CDH8: variants seen among roughly 807,000 people sequenced by gnomAD.
The protein encoded by CDH8 is cadherin-8.
A neutral mutation model predicts 68.1 loss-of-function variants in CDH8; 17 were observed. The observed-to-expected ratio is 0.25, with a 90% CI of 0.17 to 0.37. CDH8 has a LOEUF of 0.37. CDH8 is among the 10% of genes least tolerant of loss of function. The pLI, the probability that CDH8 is intolerant of heterozygous loss-of-function variation, is 1.00. For missense variants in CDH8, 763 were observed against 999.3 expected (o/e 0.76, Z 3.19); for synonymous variants, 372 against 365.1 (o/e 1.02, Z -0.21).
At chr16:61,676,325 C>G (rs1335490192) in intron 10 of CDH8, among the ~76,000 whole-genome samples, 1 of 151,484 alleles carries the variant, frequency 6.6e-6, no homozygotes, top group Non-Finnish European at 1.5e-5. Context: ...ATATTAATAT[C>G]AAATGAAATA....
At position 61,804,226 on chromosome 16, in the gene CDH8, C is replaced by T. The variant is rs970391559; in HGVS notation, c.1277+13253G>A. ...CCTGCTCCTGAATGACTACTGGGTA[C>T]GTAACGAAATGAAGGCAGAAATAAA... On this transcript the variant is annotated intron_variant, in intron 7 of 11. Coordinates refer to ENST00000577390, the MANE Select transcript of CDH8 (RefSeq NM_001796.5). Among the ~76,000 whole-genome samples, 15 of 151,206 alleles carry T rather than the reference C, an allele frequency of 9.9e-5. No homozygotes were observed. The East Asian group carries it at 1.6e-3, about 16-fold the overall frequency.
intron 4 of CDH8, among the ~76,000 whole-genome samples, chr16:61,842,953 A>C (rs753316043): frequency 1.3e-5 from 2 of 152,168 alleles, no homozygotes; most frequent in Non-Finnish European, 2.9e-5. Context: ...AGCACAGTGG[A>C]AAACAGCCCT....
At chr16:61,820,803 T>A (rs1051010674) in intron 6 of CDH8, 123 bp downstream of exon 6, 2 of 719,876 alleles carry the variant, frequency 2.8e-6, no homozygotes, top group African/African-American at 1.8e-5. Flanking sequence ...CTTGTCTTAC[T>A]GCTCAAAGCT....
intron 8 of CDH8, among the ~76,000 whole-genome samples, chr16:61,735,620 G>A (rs994655892): frequency 1.3e-5 from 2 of 151,996 alleles, no homozygotes; most frequent in Non-Finnish European, 2.9e-5. Context: ...TCACATTATA[G>A]TGGTTTATCT....
chr16:62,024,304 C>T (rs1902143852), intron 1 of CDH8, among the ~76,000 whole-genome samples: 1 of 152,148 alleles, frequency 6.6e-6, no homozygotes, highest in Non-Finnish European at 1.5e-5. Context: ...TAACACTGAT[C>T]TGACAGGTTG....
At chr16:61,863,265 G>A (rs1963187374) in intron 3 of CDH8, among the ~76,000 whole-genome samples, 2 of 152,078 alleles carry the variant, frequency 1.3e-5, no homozygotes, top group Non-Finnish European at 2.9e-5. Context: ...ACAGTATCAT[G>A]TGCCTCTTGC....
At chr16:61,734,347 A>C (rs1168974236) in intron 8 of CDH8, among the ~76,000 whole-genome samples, 2 of 152,114 alleles carry the variant, frequency 1.3e-5, no homozygotes, top group Non-Finnish European at 2.9e-5. Context: ...GCTGGGGGGA[A>C]AATGATTTCC....
intron 2 of CDH8, among the ~76,000 whole-genome samples, chr16:61,928,498 C>G (rs1357746397): frequency 6.6e-6 from 1 of 152,160 alleles, no homozygotes; most frequent in Non-Finnish European, 1.5e-5. Flanking sequence ...CACTATACCT[C>G]CTCAGTTGCT....
chr16:61,856,931 T>G (rs1963057693), intron 4 of CDH8, among the ~76,000 whole-genome samples, 188 bp downstream of exon 4: 1 of 152,194 alleles, frequency 6.6e-6, no homozygotes, highest in African/African-American at 2.4e-5. Flanking sequence ...ACAAATGCTC[T>G]GTGATTTGTC....
intron 4 of CDH8, among the ~76,000 whole-genome samples, chr16:61,833,353 A>G (rs1962503072): frequency 6.6e-6 from 1 of 151,774 alleles, no homozygotes; most frequent in Non-Finnish European, 1.5e-5. Context: ...ATTCACACAT[A>G]TGTAAATATA....
chr16:61,899,831 G>GACACACACACACAC (rs35171683), intron 3 of CDH8, among the ~76,000 whole-genome samples: 2,887 of 147,290 alleles, frequency 0.02, 51 homozygotes, highest in African/African-American at 0.032. Flanking sequence ...ATGTTATAAA[G>GACACACACACACAC]ACACACACAC....
chr16:61,792,690 A>T (rs1193095706), intron 7 of CDH8, among the ~76,000 whole-genome samples: 1 of 152,036 alleles, frequency 6.6e-6, no homozygotes, highest in Non-Finnish European at 1.5e-5. Flanking sequence ...GTCATTGTGA[A>T]GTTCATGCAT....
At chr16:61,893,595 A>G (rs1963817322) in intron 3 of CDH8, among the ~76,000 whole-genome samples, 2 of 152,110 alleles carry the variant, frequency 1.3e-5, no homozygotes, top group South Asian at 4.2e-4. Flanking sequence ...GTGTGTGTGT[A>G]AATGGCTAAT....
intron 7 of CDH8, among the ~76,000 whole-genome samples, chr16:61,801,801 G>A (rs1345166848): frequency 6.6e-6 from 1 of 152,226 alleles, no homozygotes; most frequent in African/African-American, 2.4e-5. Flanking sequence ...CCCACACCTG[G>A]CTCGGAGGGC....
intron 2 of CDH8, among the ~76,000 whole-genome samples, chr16:62,006,931 C>T (rs1192235790): frequency 2.0e-5 from 3 of 148,542 alleles, no homozygotes; most frequent in African/African-American, 5.0e-5. Flanking sequence ...TTTTTGAGAC[C>T]GAGTCTCACT....
chr16:62,020,744 A>T (rs1302707476), intron 2 of CDH8, among the ~76,000 whole-genome samples: 5 of 152,226 alleles, frequency 3.3e-5, no homozygotes, highest in Non-Finnish European at 7.3e-5. Context: ...ATAGCCTTAA[A>T]ATAAAATAAA....
chr16:61,982,402 G>A (rs1005869055), intron 2 of CDH8, among the ~76,000 whole-genome samples: 1 of 151,952 alleles, frequency 6.6e-6, no homozygotes, highest in Admixed American at 6.6e-5. Flanking sequence ...TGTATTTTTA[G>A]TAGAGATGGG....
At chr16:61,891,901 C>T (rs1341979432) in intron 3 of CDH8, among the ~76,000 whole-genome samples, 1 of 152,124 alleles carries the variant, frequency 6.6e-6, no homozygotes, top group African/African-American at 2.4e-5. Flanking sequence ...TAGAGAAGTG[C>T]TGCCAAATTC....
At chr16:61,851,417 A>G (rs1024511377) in intron 4 of CDH8, among the ~76,000 whole-genome samples, 2 of 152,070 alleles carry the variant, frequency 1.3e-5, no homozygotes, top group African/African-American at 4.8e-5. Context: ...ACTTGCCTGG[A>G]GCAAAGTTTA....
Sources: gnomAD v4.1 joint callset for allele counts (sites outside exome capture counted in the v4.1 genomes callset) on GRCh38, gnomAD v4.1.1 for gene constraint, MANE v1.5 for transcripts, NCBI Gene and HGNC (gene_info 2026-07-23, HGNC 2026-07-21) for gene names.